The following POU2F2 variants were observed in gnomAD, a reference collection of about 807,000 sequenced individuals.
POU2F2 encodes POU class 2 homeobox 2.
In POU2F2, 14 loss-of-function variants were observed where a neutral mutation model predicts 63.5. That is an observed-to-expected ratio of 0.22 (90% confidence interval 0.15 to 0.34). The LOEUF is 0.34. POU2F2 is among the 10% of genes least tolerant of loss of function. The pLI, the probability that POU2F2 is intolerant of heterozygous loss-of-function variation, is 1.00. For synonymous variants in POU2F2, 306 were observed against 348.6 expected, an observed-to-expected ratio of 0.88 and a Z score of 1.36; for missense variants, 607 against 815.2, an observed-to-expected ratio of 0.74 and a Z score of 3.11.
At chr19:42,129,133 C>A (rs1468165247) in intron 1 of POU2F2, among the ~76,000 whole-genome samples, 1 of 152,090 alleles carries the variant, frequency 6.6e-6, no homozygotes, top group African/African-American at 2.4e-5. Context: ...GCACCCAGCC[C>A]CCTCCTGGTG....
chr19:42,151,155 G>A (rs892823836), intron 2 of POU2F2, among the ~76,000 whole-genome samples: 7 of 152,234 alleles, frequency 4.6e-5, no homozygotes, highest in African/African-American at 1.7e-4. Flanking sequence ...ATGGGAGGAG[G>A]GAGGGGGAGA....
intron 1 of POU2F2, among the ~76,000 whole-genome samples, chr19:42,126,486 T>C (rs1600142895): frequency 6.7e-6 from 1 of 149,012 alleles, no homozygotes; most frequent in Admixed American, 6.7e-5. Context: ...AGGTCACAGA[T>C]GGGAACAGAG....
chr19:42,132,558 G>T, upstream of POU2F2: 1 of 681,704 alleles, frequency 1.5e-6, no homozygotes, highest in Non-Finnish European at 2.2e-6. Flanking sequence ...CTGGCCCACA[G>T]ACCCGCCCCG....
chr19:42,181,427 G>A (rs922272544), intron 1 of POU2F2, among the ~76,000 whole-genome samples: 1 of 152,182 alleles, frequency 6.6e-6, no homozygotes, highest in Non-Finnish European at 1.5e-5. Context: ...CTTCCTGTAC[G>A]AATGAGCTCA....
intron 5 of POU2F2, among the ~76,000 whole-genome samples, chr19:42,114,195 C>G (rs1435299834): frequency 6.6e-6 from 1 of 151,990 alleles, no homozygotes; most frequent in Non-Finnish European, 1.5e-5. Context: ...GGAGGTGGCT[C>G]TAGGAGTGCA....
intron 7 of POU2F2, among the ~76,000 whole-genome samples, chr19:42,097,203 T>G (rs1388097615): frequency 2.7e-5 from 4 of 150,160 alleles, no homozygotes; most frequent in Non-Finnish European, 4.5e-5. Context: ...TTTTTTTTTT[T>G]TTTTTTTTTT....
intron 5 of POU2F2, chr19:42,116,810 C>T (rs953275973): frequency 4.2e-5 from 16 of 380,092 alleles, no homozygotes; most frequent in African/African-American, 3.0e-4. Context: ...CCAGAGGAGG[C>T]TGGGGGCTGT....
In POU2F2 at chr19:42,092,378, C is replaced by T. The variant is rs1026588208; in HGVS notation, c.1265-108G>A. Reference sequence around the variant, plus strand: ...CTCCCGCCCAGCTCACGCAGCATCTCCTCAGTCAGAACAGCCTTAGACCTC... The same window carrying T: ...CTCCCGCCCAGCTCACGCAGCATCTTCTCAGTCAGAACAGCCTTAGACCTC... On this transcript the variant is annotated intron_variant, in intron 12 of 14. Coordinates refer to ENST00000692977, the MANE Select transcript of POU2F2 (RefSeq NM_001394376.1). The surrounding 1 kb of genome is among the most constrained non-coding windows in gnomAD (Gnocchi z 5.0). 2.3e-6 allele frequency: 2 copies of T among 863,120 alleles called. No individual in the cohort carries two copies. Among genetic ancestry groups the T allele is most frequent in the Non-Finnish European group, 3.8e-6 (2 of 526,000 alleles). The allele number at this position is 863,120 out of a possible 1,614,324, so 53.5% of individuals were successfully genotyped here.
At chr19:42,176,477 GGCTCTC>G (rs1473675781), upstream of POU2F2, among the ~76,000 whole-genome samples, 1 of 151,588 alleles carries the variant, frequency 6.6e-6, no homozygotes, top group Non-Finnish European at 1.5e-5. Context: ...CTTCTGCCTC[GGCTCTC>G]GCTCCTCCGC....
At chr19:42,160,421 T>C (rs1314811476) in intron 1 of POU2F2, 1 of 152,148 alleles carries the variant, frequency 6.6e-6, no homozygotes, top group African/African-American at 2.4e-5. Context: ...GCAGTCAACA[T>C]CCCGGAGAAT....
chr19:42,143,836 A>G (rs1430627790), intron 2 of POU2F2, among the ~76,000 whole-genome samples: 2 of 152,026 alleles, frequency 1.3e-5, no homozygotes, highest in Non-Finnish European at 2.9e-5. Context: ...ATTACACTTA[A>G]ACACCCCCTC....
Position 42,095,322 on chromosome 19 carries a change from G to A in POU2F2, c.1161C>T (p.Pro387=), listed in dbSNP as rs1443805823. The part of the protein sequence containing the change: ...INPCSAAPML[P]SPGKPASYSP... ...TGTAGCTGGCCGGCTTCCCTGGGCT[G>A]GGCAGCATGGGGGCCGCACTGCAGG... The change falls in exon 11 of 15, where the codon CCC becomes CCT. Residue 387 remains proline (P), a synonymous_variant. Transcript: ENST00000692977. This position sits in a 1 kb window ranked among gnomAD's most constrained non-coding sequence, Gnocchi z 7.1. 3 of 1,613,730 alleles carry A rather than the reference G, an allele frequency of 1.9e-6. No individual in the cohort carries two copies. The highest frequency in any genetic ancestry group is 2.7e-5 in the African/African-American group (2 of 74,926).
intron 2 of POU2F2, among the ~76,000 whole-genome samples, chr19:42,154,984 C>A (rs1456851818): frequency 1.3e-5 from 2 of 152,092 alleles, no homozygotes; most frequent in East Asian, 3.9e-4. Flanking sequence ...TACCACACAC[C>A]GCCACCTCAC....
At chr19:42,160,815 A>G (rs551174465) in intron 1 of POU2F2, among the ~76,000 whole-genome samples, 1 of 152,362 alleles carries the variant, frequency 6.6e-6, no homozygotes, top group Admixed American at 6.5e-5. Context: ...TAAATGGTGT[A>G]TCTCAAAGGA....
chr19:42,161,638 C>T (rs776008535), intron 1 of POU2F2, among the ~76,000 whole-genome samples: 4 of 150,972 alleles, frequency 2.6e-5, no homozygotes, highest in African/African-American at 4.9e-5. Flanking sequence ...ATGAAGGGAG[C>T]GGGGGCAAAG....
chr19:42,138,239 T>C (rs138441352), intron 2 of POU2F2, among the ~76,000 whole-genome samples: 1 of 152,282 alleles, frequency 6.6e-6, no homozygotes, highest in African/African-American at 2.4e-5. Flanking sequence ...TAATTGGTGA[T>C]TGGCTGAATG....
At chr19:42,160,091 A>C (rs1214973589) in intron 2 of POU2F2, among the ~76,000 whole-genome samples, 1 of 152,168 alleles carries the variant, frequency 6.6e-6, no homozygotes, top group African/African-American at 2.4e-5. Flanking sequence ...CTGAGCCGTA[A>C]CACTGATCAG....
Position 42,117,056 on chromosome 19 carries a change from C to T in POU2F2, c.369+194G>A. On this transcript the variant is annotated intron_variant, in intron 5 of 14. Coordinates refer to ENST00000692977, the MANE Select transcript of POU2F2 (RefSeq NM_001394376.1). This position sits in a 1 kb window ranked among gnomAD's most constrained non-coding sequence, Gnocchi z 4.4. ...ATTGGAGCAAGGGGTTGAAGAGGAG[C>T]AGAGAAGGCAGAGAGGGGTTAGTGC... The T allele has an allele frequency of 1.5e-6, 1 of 664,058 alleles. No homozygotes were observed. Among genetic ancestry groups the T allele is most frequent in the South Asian group, 1.7e-5 (1 of 59,162 alleles). 41.1% of individuals were successfully genotyped at this position (664,058 alleles called of 1,614,324 possible). A position where few individuals can be genotyped will look rare whatever the true frequency, so the allele number is the denominator to read the frequency against.
At chr19:42,196,746 C>G (rs1016972245), upstream of POU2F2, among the ~76,000 whole-genome samples, 4 of 152,282 alleles carry the variant, frequency 2.6e-5, no homozygotes, top group Non-Finnish European at 4.4e-5. Context: ...AAGGGAGCTC[C>G]ACGGCGCATG....
Sources: gnomAD v4.1 joint callset for allele counts (sites outside exome capture counted in the v4.1 genomes callset) on GRCh38, gnomAD v4.1.1 for gene constraint, Gnocchi (gnomAD v3.1) non-coding constraint, MANE v1.5 for transcripts, NCBI Gene and HGNC (gene_info 2026-07-23, HGNC 2026-07-21) for gene names.